WDPCP: variants seen among roughly 807,000 people sequenced by gnomAD.
WDPCP encodes the protein WD repeat containing planar cell polarity effector, also known as WD repeat-containing and planar cell polarity effector protein fritz homolog.
Under a neutral mutation model 93.1 loss-of-function variants are expected in WDPCP, and 71 were observed. That is an observed-to-expected ratio of 0.76 (90% CI 0.63 to 0.93). The LOEUF is 0.93. Among genes scored for constraint, WDPCP ranks in the 40% least tolerant of loss-of-function variants. The pLI, the probability that WDPCP is intolerant of heterozygous loss-of-function variation, is 0.00. For synonymous variants in WDPCP, 315 were observed against 315.0 expected, an observed-to-expected ratio of 1.00 and a Z score of 0.00; for missense variants, 844 against 887.4, an observed-to-expected ratio of 0.95 and a Z score of 0.62.
chr2:63,561,385 G>A (rs1023684674), intron 1 of WDPCP, among the ~76,000 whole-genome samples: 10 of 152,168 alleles, frequency 6.6e-5, no homozygotes, highest in Middle Eastern at 3.4e-3. Flanking sequence ...GGCTGAGGCA[G>A]GAGAATTGCT....
chr2:63,776,214 C>G (rs1304186766), intron 2 of WDPCP, among the ~76,000 whole-genome samples: 2 of 149,752 alleles, frequency 1.3e-5, no homozygotes, highest in Admixed American at 1.3e-4. Context: ...AGATAAGCCA[C>G]CGACAGGAAG....
At chr2:63,361,901 A>C (rs1253083479) in intron 12 of WDPCP, among the ~76,000 whole-genome samples, 2 of 152,158 alleles carry the variant, frequency 1.3e-5, no homozygotes, top group African/African-American at 2.4e-5. Flanking sequence ...GGGGTTGAGG[A>C]GGAAGGTTTT....
At chr2:63,236,973 A>G (rs1410892965) in intron 14 of WDPCP, among the ~76,000 whole-genome samples, 1 of 152,160 alleles carries the variant, frequency 6.6e-6, no homozygotes, top group African/African-American at 2.4e-5. Context: ...AGTAACAAAA[A>G]TGAAATATCG....
intron 2 of WDPCP, among the ~76,000 whole-genome samples, chr2:63,710,417 T>C (rs905465047): frequency 1.3e-5 from 2 of 152,178 alleles, no homozygotes; most frequent in Admixed American, 6.5e-5. Context: ...TAGCCCCTCA[T>C]TGTTGCAAAT....
chr2:63,122,123 T>G lies in WDPCP; in HGVS notation c.2191-67A>C, dbSNP rs1357136867. ...AAGTAATTGACTTAACATTTGTATC[T>G]TTATTATTTTTAAGTACTGAAAAAT... is the stretch of plus-strand genomic sequence containing the variant. On this transcript the variant is annotated intron_variant, in intron 17 of 17. Transcript: ENST00000272321. 29 of 1,286,748 alleles carry G rather than the reference T, an allele frequency of 2.3e-5. No homozygotes were observed. The Admixed American group carries it at 3.1e-4, about 14-fold the overall frequency. The allele number at this position is 1,286,748 out of a possible 1,614,324, so 79.7% of individuals were successfully genotyped here.
chr2:63,251,811 A>T (rs1680750999), intron 14 of WDPCP, among the ~76,000 whole-genome samples: 1 of 151,830 alleles, frequency 6.6e-6, no homozygotes, highest in South Asian at 2.1e-4. Flanking sequence ...CCAATTTTTA[A>T]AAAGCCCCGG....
intron 6 of WDPCP, among the ~76,000 whole-genome samples, chr2:63,474,933 T>G (rs1227328114): frequency 2.6e-5 from 4 of 152,116 alleles, no homozygotes; most frequent in Non-Finnish European, 5.9e-5. Flanking sequence ...TAATACTGAG[T>G]GGCTGAATTA....
intron 1 of WDPCP, among the ~76,000 whole-genome samples, chr2:63,814,942 C>G (rs1035702517): frequency 6.6e-6 from 1 of 152,158 alleles, no homozygotes; most frequent in Non-Finnish European, 1.5e-5. Flanking sequence ...GAATAAACTT[C>G]CAAATTTATT....
At chr2:63,471,164 G>A (rs921870616) in intron 6 of WDPCP, among the ~76,000 whole-genome samples, 2 of 152,072 alleles carry the variant, frequency 1.3e-5, no homozygotes, top group Admixed American at 1.3e-4. Context: ...ATGAGAACAG[G>A]GATATTGGTC....
At chr2:63,548,633 G>T (rs934275710) in intron 1 of WDPCP, among the ~76,000 whole-genome samples, 1 of 151,538 alleles carries the variant, frequency 6.6e-6, no homozygotes, top group African/African-American at 2.4e-5. Flanking sequence ...AAATGTTAAG[G>T]TACTTTGATC....
At chr2:63,191,370 T>C (rs141423620) in intron 14 of WDPCP, among the ~76,000 whole-genome samples, 3,013 of 152,066 alleles carry the variant, frequency 0.02, 111 homozygotes, top group African/African-American at 0.069. Context: ...CCAGCCTGGG[T>C]GACAGAGCCA....
At chr2:63,693,236 A>G (rs573776736) in intron 2 of WDPCP, among the ~76,000 whole-genome samples, 1 of 152,282 alleles carries the variant, frequency 6.6e-6, no homozygotes, top group Non-Finnish European at 1.5e-5. Flanking sequence ...TAGGGAATAA[A>G]CTTTACATTG....
chr2:63,557,089 A>T (rs1254723473), intron 1 of WDPCP, among the ~76,000 whole-genome samples: 1 of 152,196 alleles, frequency 6.6e-6, no homozygotes, highest in African/African-American at 2.4e-5. Context: ...GACCAATGAC[A>T]CTATGAAGCA....
chr2:63,588,601 T>C (rs1218309338), upstream of WDPCP: 3 of 512,562 alleles, frequency 5.9e-6, no homozygotes, highest in Non-Finnish European at 7.1e-6. Flanking sequence ...GGATGCAGTC[T>C]CAGTCACGCG....
chr2:63,544,045 C>A (rs1350093603), intron 1 of WDPCP, among the ~76,000 whole-genome samples: 4 of 152,092 alleles, frequency 2.6e-5, no homozygotes, highest in African/African-American at 9.7e-5. Context: ...GATAGGTCCC[C>A]ATTTAAATCC....
At position 63,682,418 on chromosome 2, in the gene WDPCP, T is replaced by G. The variant is rs376357630; in HGVS notation, n.309-31580A>C. Among the ~76,000 whole-genome samples the G allele has an allele frequency of 9.8e-5, 15 of 152,306 alleles. No homozygotes were observed. In the East Asian group the frequency reaches 1.9e-3, roughly 20 times the overall value. ...TACTGAAGAACGCATCAGAATCTTT[T>G]AATAGCAGAATTGATGAGGAAGAAG... On this transcript the variant is annotated intron_variant and non_coding_transcript_variant, in intron 2 of 4. Coordinates refer to the WDPCP transcript ENST00000467687.
At chr2:63,410,404 A>G (rs1694938030) in intron 9 of WDPCP, among the ~76,000 whole-genome samples, 2 of 152,232 alleles carry the variant, frequency 1.3e-5, no homozygotes, top group Admixed American at 6.5e-5. Context: ...AAACACATCA[A>G]AACAGAACAC....
intron 12 of WDPCP, among the ~76,000 whole-genome samples, chr2:63,336,814 TA>T (rs746957672): frequency 3.1e-4 from 47 of 151,716 alleles, no homozygotes; most frequent in Non-Finnish European, 5.9e-4. Flanking sequence ...TTTATATATA[TA>T]TTTTTCCCCT....
At chr2:63,369,386 T>C in intron 12 of WDPCP, 1 of 456,528 alleles carries the variant, frequency 2.2e-6, no homozygotes, top group Non-Finnish European at 4.4e-6. Flanking sequence ...ACTGTCTTGA[T>C]CAGGAGTATG....
Sources: allele counts gnomAD v4.1 joint callset (sites outside exome capture counted in the v4.1 genomes callset), GRCh38; gene constraint gnomAD v4.1.1; transcripts MANE v1.5; gene names NCBI Gene and HGNC (gene_info 2026-07-23, HGNC 2026-07-21).